BICC1: variants seen among roughly 807,000 people sequenced by gnomAD.
The protein encoded by BICC1 is BicC family RNA binding protein 1, also known as protein bicaudal C homolog 1.
BICC1 carries 43 observed loss-of-function variants against 111.0 expected under a neutral mutation model. The ratio of observed to expected loss-of-function variants is 0.39; its 90% CI spans 0.30 to 0.50. The LOEUF (loss-of-function observed/expected upper bound fraction) is 0.50. BICC1 is among the 20% of genes least tolerant of loss of function. BICC1 has a pLI of 0.88. For synonymous variants in BICC1, 467 were observed against 434.4 expected (o/e 1.07, Z -0.93); for missense variants, 1,091 against 1,203.2 (o/e 0.91, Z 1.38).
intron 3 of BICC1, among the ~76,000 whole-genome samples, chr10:58,714,816 G>A (rs932828166): frequency 2.0e-5 from 3 of 151,188 alleles, no homozygotes; most frequent in Non-Finnish European, 4.4e-5. Flanking sequence ...TTTTCATGAA[G>A]GCAATTTGCA....
At chr10:58,663,427 C>G (rs115224355) in intron 2 of BICC1, among the ~76,000 whole-genome samples, 2,913 of 152,252 alleles carry the variant, frequency 0.019, 102 homozygotes, top group African/African-American at 0.066. Flanking sequence ...ACTGGACAAC[C>G]TCTGGTGTGT....
intron 3 of BICC1, among the ~76,000 whole-genome samples, chr10:58,724,116 CA>C (rs1477806940): frequency 6.6e-6 from 1 of 152,216 alleles, no homozygotes; most frequent in Non-Finnish European, 1.5e-5. Flanking sequence ...AACAGCCGAT[CA>C]GTGCTTTTGC....
Position 58,785,092 on chromosome 10 carries a change from T to G in BICC1, c.387+12T>G. 6.6e-7 allele frequency: 1 copy of G among 1,521,372 alleles called. No homozygotes were observed. The highest frequency in any genetic ancestry group is 9.0e-7 in the Non-Finnish European group (1 of 1,115,606). 94.2% of individuals were successfully genotyped at this position (1,521,372 alleles called of 1,614,324 possible). A position where few individuals can be genotyped will look rare whatever the true frequency, so the allele number is the denominator to read the frequency against. On this transcript the variant is annotated intron_variant, in intron 4 of 20. Transcript: ENST00000373886. ...TCTTAGACACAAAAGTAAGTGAATG[T>G]TAAGGACACTCAGATGTCAGAACCT...
chr10:58,518,520 G>C (rs1366732940), intron 1 of BICC1, among the ~76,000 whole-genome samples: 1 of 139,550 alleles, frequency 7.2e-6, no homozygotes. Context: ...ACACTAGAAA[G>C]CAAATACTTG....
intron 2 of BICC1, among the ~76,000 whole-genome samples, chr10:58,661,405 T>C (rs1251919200): frequency 1.3e-5 from 2 of 152,114 alleles, no homozygotes; most frequent in Middle Eastern, 3.4e-3. Flanking sequence ...GGAGAAAAGG[T>C]AGAGGGTCAC....
chr10:58,803,215 T>G lies in BICC1; in HGVS notation c.2154T>G (p.Ala718=). ...AAAACTCCGAAAGGGCCCACCTTGC[T>G]CCACGGTCATCATATGTCAACATGC... ...AQQNSERAHL[A]PRSSYVNMQA... Residue 718 remains alanine (A), a synonymous_variant, in exon 15 of 21, where the codon GCT becomes GCG. Coordinates refer to ENST00000373886, the MANE Select transcript of BICC1 (RefSeq NM_001080512.3). The G allele has an allele frequency of 6.2e-7, 1 of 1,605,450 alleles. No homozygotes were observed. The highest frequency in any genetic ancestry group is 1.1e-5 in the South Asian group (1 of 88,762).
chr10:58,733,705 G>T (rs1203649207), intron 3 of BICC1, among the ~76,000 whole-genome samples: 1 of 152,206 alleles, frequency 6.6e-6, no homozygotes, highest in Non-Finnish European at 1.5e-5. Context: ...CAATCACATG[G>T]CTAATTGGCT....
At chr10:58,523,740 A>G (rs918293866) in intron 1 of BICC1, among the ~76,000 whole-genome samples, 8 of 152,260 alleles carry the variant, frequency 5.3e-5, no homozygotes, top group South Asian at 2.1e-4. Context: ...AGGGTATTCA[A>G]TTAGGAAAAG....
chr10:58,563,643 C>T (rs574345231), intron 1 of BICC1, among the ~76,000 whole-genome samples: 5 of 152,316 alleles, frequency 3.3e-5, no homozygotes, highest in African/African-American at 1.2e-4. Context: ...AAGAGGCTAG[C>T]ACTGGACACC....
chr10:58,680,590 C>T (rs113785484), intron 2 of BICC1, among the ~76,000 whole-genome samples: 2,182 of 152,212 alleles, frequency 0.014, 21 homozygotes, highest in African/African-American at 0.033. Context: ...ATGAAAATGG[C>T]CATACTGTCC....
intron 3 of BICC1, among the ~76,000 whole-genome samples, chr10:58,753,705 C>G (rs567998200): frequency 6.6e-6 from 1 of 152,074 alleles, no homozygotes; most frequent in Non-Finnish European, 1.5e-5. Context: ...CACACACACA[C>G]AGTCTCTTTT....
chr10:58,743,897 G>A (rs1431794959), intron 3 of BICC1, among the ~76,000 whole-genome samples: 1 of 151,500 alleles, frequency 6.6e-6, no homozygotes, highest in African/African-American at 2.4e-5. Context: ...TTAATGGTTT[G>A]GAAATTCTAG....
chr10:58,543,123 T>C (rs1231672989), intron 1 of BICC1, among the ~76,000 whole-genome samples: 2 of 151,930 alleles, frequency 1.3e-5, no homozygotes, highest in Admixed American at 1.3e-4. Context: ...ACCTAAATGT[T>C]AATCAGCAGA....
intron 2 of BICC1, among the ~76,000 whole-genome samples, chr10:58,627,039 T>TG (rs1377432311): frequency 6.6e-6 from 1 of 152,016 alleles, no homozygotes; most frequent in African/African-American, 2.4e-5. Flanking sequence ...GAGGCAGAGG[T>TG]TACAGTGAGC....
intron 1 of BICC1, among the ~76,000 whole-genome samples, chr10:58,609,980 G>A (rs1459673609): frequency 6.6e-6 from 1 of 152,210 alleles, no homozygotes; most frequent in African/African-American, 2.4e-5. Flanking sequence ...CTGAAAGCAA[G>A]GCATTGGACA....
chr10:58,712,521 A>G lies in BICC1; in HGVS notation c.307+10378A>G, dbSNP rs369476453. Among the ~76,000 whole-genome samples the G allele has an allele frequency of 3.9e-5, 6 of 152,350 alleles. No individual in the cohort carries two copies. In the East Asian group the frequency reaches 1.2e-3, roughly 29 times the overall value. On this transcript the variant is annotated intron_variant, in intron 3 of 20. Coordinates refer to ENST00000373886, the MANE Select transcript of BICC1 (RefSeq NM_001080512.3). ...ACACAATGAAATATTATTCAGTGCT[A>G]AAAAGATATGAGCTATCAAACTATG... is the stretch of plus-strand genomic sequence containing the variant.
chr10:58,800,971 T>C lies in BICC1; in HGVS notation c.1940T>C (p.Met647Thr). Reference protein sequence around the residue: ...SGNAGDLKQMMCPSKVSCAKR... With the variant: ...SGNAGDLKQMTCPSKVSCAKR... ...AATGCTGGTGACTTGAAACAGATGA[T>C]GTGTCCCTCCAAGGTTTCCTGTGCC... The change falls in exon 14 of 21, where the codon ATG (methionine) becomes ACG (threonine). Residue 647 changes from methionine (M) to threonine (T), a missense_variant. By Grantham distance (81) the Met-to-Thr change is moderately conservative (BLOSUM62 -1). Coordinates refer to ENST00000373886, the MANE Select transcript of BICC1 (RefSeq NM_001080512.3). 1 of 1,612,574 alleles carries C rather than the reference T, an allele frequency of 6.2e-7. No individual in the cohort carries two copies. The highest frequency in any genetic ancestry group is 8.5e-7 in the Non-Finnish European group (1 of 1,179,288).
At chr10:58,609,794 G>T (rs541980667) in intron 1 of BICC1, among the ~76,000 whole-genome samples, 1 of 152,218 alleles carries the variant, frequency 6.6e-6, no homozygotes, top group East Asian at 1.9e-4. Context: ...TGGTGTATTA[G>T]GTATTCCTAA....
chr10:58,673,401 C>T (rs1839240197), intron 2 of BICC1, among the ~76,000 whole-genome samples: 1 of 152,110 alleles, frequency 6.6e-6, no homozygotes, highest in Non-Finnish European at 1.5e-5. Flanking sequence ...ATAACCCTTG[C>T]CTTAGGCTTA....
Sources: gnomAD v4.1 joint callset for allele counts (sites outside exome capture counted in the v4.1 genomes callset) on GRCh38, gnomAD v4.1.1 for gene constraint, MANE v1.5 for transcripts, NCBI Gene and HGNC (gene_info 2026-07-23, HGNC 2026-07-21) for gene names.